PTCHD4: variants seen among roughly 807,000 people sequenced by gnomAD.
PTCHD4 encodes patched domain-containing protein 4.
In PTCHD4, 33 loss-of-function variants were observed where a neutral mutation model predicts 58.1. The observed-to-expected ratio is 0.57, with a 90% CI of 0.43 to 0.76. The LOEUF (loss-of-function observed/expected upper bound fraction) is 0.76, where lower values mean the gene tolerates loss of function less well. PTCHD4 is among the 30% of genes least tolerant of loss of function. The probability of loss-of-function intolerance (pLI) is 0.00; values close to 1 mark genes in which losing one functional copy is unlikely to be tolerated. For missense variants in PTCHD4, 1,058 were observed against 1,027.1 expected (o/e 1.03, Z -0.41); for synonymous variants, 478 against 409.6 (o/e 1.17, Z -2.02).
Position 47,916,187 on chromosome 6 carries a change from C to T in PTCHD4, c.899-36251G>A, listed in dbSNP as rs1018798108. On this transcript the variant is annotated intron_variant, in intron 4 of 4. Transcript: ENST00000339488. ...CTCAAGATAAGAGGATGCTGATATTCTCCTCTCGGTTCCTGTGGCTCTCTC... is the reference window on the plus strand; with the variant it reads ...CTCAAGATAAGAGGATGCTGATATTTTCCTCTCGGTTCCTGTGGCTCTCTC... Among the ~76,000 whole-genome samples the T allele has an allele frequency of 3.3e-5, 5 of 152,194 alleles. No individual in the cohort carries two copies. The East Asian group carries it at 9.7e-4, about 30-fold the overall frequency.
chr6:47,947,417 C>T (rs1766466827), intron 4 of PTCHD4, among the ~76,000 whole-genome samples: 1 of 151,924 alleles, frequency 6.6e-6, no homozygotes, highest in Admixed American at 6.6e-5. Flanking sequence ...TATCTCACAC[C>T]TTCCTTTTGA....
chr6:47,913,268 G>A (rs1353162947), intron 4 of PTCHD4, among the ~76,000 whole-genome samples: 2 of 152,062 alleles, frequency 1.3e-5, no homozygotes, highest in Non-Finnish European at 2.9e-5. Context: ...TAATGACAGT[G>A]TCCCAGTGGG....
At chr6:48,089,707 C>T (rs1331875693) in intron 1 of PTCHD4, among the ~76,000 whole-genome samples, 2 of 152,192 alleles carry the variant, frequency 1.3e-5, no homozygotes, top group Non-Finnish European at 2.9e-5. Flanking sequence ...GCCAGTTGAG[C>T]AAAACCTATT....
chr6:48,058,179 A>T lies in PTCHD4; in HGVS notation c.417+10051T>A, dbSNP rs537587658. On this transcript the variant is annotated intron_variant, in intron 3 of 4. Transcript: ENST00000339488. ...TTAAAGCTCCACTAATGATTTCTAC[A>T]CTCAGCCAAGACTGAGCACCCTTTA... Among the ~76,000 whole-genome samples the T allele has an allele frequency of 5.9e-5, 9 of 152,358 alleles. No homozygotes were observed. The South Asian group carries it at 1.9e-3, about 32-fold the overall frequency.
chr6:48,022,700 T>C (rs1440002720), intron 3 of PTCHD4, among the ~76,000 whole-genome samples: 2 of 152,134 alleles, frequency 1.3e-5, no homozygotes, highest in Non-Finnish European at 2.9e-5. Context: ...AGTCTTTGTA[T>C]TAAATTCCAT....
chr6:47,905,102 CTT>C (rs1416197011), intron 4 of PTCHD4, among the ~76,000 whole-genome samples: 1 of 139,488 alleles, frequency 7.2e-6, no homozygotes, highest in East Asian at 2.4e-4. Context: ...AATGGATAGA[CTT>C]TTGACAGCAA....
chr6:47,955,962 G>A (rs1418291420), intron 4 of PTCHD4, among the ~76,000 whole-genome samples: 1 of 152,144 alleles, frequency 6.6e-6, no homozygotes, highest in Admixed American at 6.5e-5. Flanking sequence ...TTATTTTAAT[G>A]AATATATAAA....
At chr6:47,912,564 C>T (rs540056608) in intron 4 of PTCHD4, among the ~76,000 whole-genome samples, 1 of 152,184 alleles carries the variant, frequency 6.6e-6, no homozygotes, top group African/African-American at 2.4e-5. Flanking sequence ...TTTCCATTTC[C>T]TCAGTCTCAC....
chr6:47,959,797 T>G (rs1156705977), intron 4 of PTCHD4, among the ~76,000 whole-genome samples: 2 of 151,480 alleles, frequency 1.3e-5, no homozygotes, highest in African/African-American at 2.4e-5. Context: ...CATCTAGAAT[T>G]CTACATCTAC....
At chr6:48,077,541 G>A (rs1001179277) in intron 1 of PTCHD4, among the ~76,000 whole-genome samples, 6 of 152,148 alleles carry the variant, frequency 3.9e-5, no homozygotes, top group African/African-American at 9.7e-5. Context: ...TAGCTTCAAG[G>A]TTTTTATCTG....
chr6:47,942,059 C>G (rs949562702), intron 4 of PTCHD4, among the ~76,000 whole-genome samples: 3 of 152,162 alleles, frequency 2.0e-5, no homozygotes, highest in Admixed American at 2.0e-4. Flanking sequence ...TCCCAAGCCT[C>G]AGTATTTCTG....
rs573393151 is a variant in PTCHD4 at position 47,951,012 on chromosome 6, A to C, written c.898+57622T>G. On this transcript the variant is annotated intron_variant, in intron 4 of 4. Coordinates refer to ENST00000339488, the MANE Select transcript of PTCHD4 (RefSeq NM_001384253.1). ...GTGGAGTGAGATGAGCAAAAGCTTA[A>C]TTGGAGTGAGTTCAAAAGAAAAAAA... Among the ~76,000 whole-genome samples the C allele has an allele frequency of 8.5e-5, 13 of 152,300 alleles. No homozygotes were observed. The South Asian group carries it at 2.5e-3, about 29-fold the overall frequency.
intron 1 of PTCHD4, among the ~76,000 whole-genome samples, chr6:48,081,277 A>T (rs1765162955): frequency 6.6e-6 from 1 of 152,218 alleles, no homozygotes; most frequent in Admixed American, 6.5e-5. Context: ...ATACCTCCTG[A>T]ATTCACTTGA....
chr6:47,963,997 C>G lies in PTCHD4; in HGVS notation c.898+44637G>C, dbSNP rs1581942367. 2.0e-5 allele frequency among the ~76,000 whole-genome samples: 3 copies of G among 152,188 alleles called. No homozygotes were observed. In the South Asian group the frequency reaches 6.2e-4, roughly 32 times the overall value. On this transcript the variant is annotated intron_variant, in intron 4 of 4. Coordinates refer to ENST00000339488, the MANE Select transcript of PTCHD4 (RefSeq NM_001384253.1). ...ATTATCAAGATGAAACTACTTTATG[C>G]CAACGTGCTGTTGCATAAAGGATAA...
intron 4 of PTCHD4, among the ~76,000 whole-genome samples, chr6:47,904,051 G>A (rs1338466122): frequency 1.3e-5 from 2 of 152,140 alleles, no homozygotes; most frequent in East Asian, 1.9e-4. Flanking sequence ...CCCAAAGCCC[G>A]GGTGGCTGGA....
intron 4 of PTCHD4, among the ~76,000 whole-genome samples, chr6:47,928,076 T>C (rs1765686091): frequency 6.6e-6 from 1 of 152,204 alleles, no homozygotes; most frequent in South Asian, 2.1e-4. Flanking sequence ...ATAAACACCT[T>C]GTGGCCCATG....
At position 47,949,209 on chromosome 6, in the gene PTCHD4, C is replaced by T. The variant is rs149143462; in HGVS notation, c.898+59425G>A. On this transcript the variant is annotated intron_variant, in intron 4 of 4. Transcript: ENST00000339488. The stretch of plus-strand genomic sequence containing the variant: ...CAGGCCTCTGTAGGAAAGAGCTAGC[C>T]GAGGACAGATTGGATTGATGAGTTG... Among the ~76,000 whole-genome samples the T allele has an allele frequency of 3.1e-3, 469 of 152,124 alleles. 3 individuals are homozygous for T. Among genetic ancestry groups the T allele is most frequent in the African/African-American group, 0.011 (438 of 41,486 alleles).
chr6:47,904,640 A>G (rs973540346), intron 4 of PTCHD4, among the ~76,000 whole-genome samples: 4 of 152,212 alleles, frequency 2.6e-5, no homozygotes, highest in Non-Finnish European at 4.4e-5. Flanking sequence ...AACTTTGCAG[A>G]AGGTAGAGAG....
chr6:48,070,371 G>A (rs147552235), intron 1 of PTCHD4, among the ~76,000 whole-genome samples: 60 of 152,120 alleles, frequency 3.9e-4, no homozygotes, highest in African/African-American at 1.4e-3. Flanking sequence ...CAAGCTAAAG[G>A]ACTCCTTGTC....
Sources: gnomAD v4.1 joint callset for allele counts (sites outside exome capture counted in the v4.1 genomes callset) on GRCh38, gnomAD v4.1.1 for gene constraint, MANE v1.5 for transcripts, NCBI Gene and HGNC (gene_info 2026-07-23, HGNC 2026-07-21) for gene names.